The following SPON1 variants were observed in gnomAD, a reference collection of about 807,000 sequenced individuals.
SPON1 encodes the protein spondin 1, also known as spondin-1.
A neutral mutation model predicts 111.7 loss-of-function variants in SPON1; 52 were observed. The ratio of observed to expected loss-of-function variants is 0.47; its 90% CI spans 0.37 to 0.59. The LOEUF is 0.59. Among genes scored for constraint, SPON1 ranks in the 20% least tolerant of loss-of-function variants. The pLI, the probability that SPON1 is intolerant of heterozygous loss-of-function variation, is 0.00. For synonymous variants in SPON1, 410 were observed against 395.8 expected, an observed-to-expected ratio of 1.04 and a Z score of -0.43; for missense variants, 957 against 1,068.5, an observed-to-expected ratio of 0.90 and a Z score of 1.46.
At chr11:14,173,503 A>G (rs1475251821) in intron 6 of SPON1, among the ~76,000 whole-genome samples, 1 of 151,990 alleles carries the variant, frequency 6.6e-6, no homozygotes, top group African/African-American at 2.4e-5. Context: ...CGTCAACATC[A>G]TTCTCTGTCC....
chr11:14,160,965 A>T lies in SPON1; in HGVS notation c.825+25397A>T, dbSNP rs868934091. 3.4e-3 allele frequency among the ~76,000 whole-genome samples: 185 copies of T among 54,706 alleles called. 12 individuals carry two copies. Among genetic ancestry groups the T allele is most frequent in the African/African-American group, 3.7e-3 (52 of 14,034 alleles). The allele number at this position is 54,706 out of a possible 152,430, so 35.9% of individuals were successfully genotyped here. On this transcript the variant is annotated intron_variant, in intron 6 of 15. Transcript: ENST00000576479. The stretch of plus-strand genomic sequence containing the variant: ...TATATTTATATATTTATATATATTT[A>T]TATATATTTTTATATATTTATATAT...
intron 2 of SPON1, among the ~76,000 whole-genome samples, chr11:13,986,740 T>C (rs782261358): frequency 2.0e-5 from 3 of 151,826 alleles, no homozygotes; most frequent in Non-Finnish European, 2.9e-5. Flanking sequence ...CAGACCCTGG[T>C]ATGTGATGTT....
At chr11:14,142,233 C>A (rs1554928857) in intron 6 of SPON1, among the ~76,000 whole-genome samples, 2 of 152,214 alleles carry the variant, frequency 1.3e-5, no homozygotes, top group East Asian at 1.9e-4. Context: ...TGTTTTCATT[C>A]TTCAGCCTCT....
chr11:14,260,366 G>GGC (rs1348148080), intron 13 of SPON1, among the ~76,000 whole-genome samples: 2 of 147,974 alleles, frequency 1.4e-5, no homozygotes, highest in Non-Finnish European at 3.0e-5. Context: ...CATAACCATC[G>GGC]GGGGGGGTCA....
intron 1 of SPON1, among the ~76,000 whole-genome samples, chr11:13,969,881 G>A (rs757903811): frequency 1.3e-5 from 2 of 152,192 alleles, no homozygotes; most frequent in Non-Finnish European, 2.9e-5. Flanking sequence ...CCTCAGTTGA[G>A]TAGCAGATAA....
intron 6 of SPON1, among the ~76,000 whole-genome samples, chr11:14,218,875 A>G (rs1328444687): frequency 6.6e-6 from 1 of 152,218 alleles, no homozygotes; most frequent in African/African-American, 2.4e-5. Context: ...GTCTGTTGAC[A>G]ATTTGGATAC....
chr11:14,192,159 TC>T (rs1216290538), intron 6 of SPON1, among the ~76,000 whole-genome samples: 11 of 151,976 alleles, frequency 7.2e-5, no homozygotes, highest in African/African-American at 2.4e-4. Context: ...TGTGTTCAAT[TC>T]TGAAGGAAAA....
intron 2 of SPON1, among the ~76,000 whole-genome samples, chr11:14,038,377 G>T (rs555050796): frequency 6.6e-6 from 1 of 151,910 alleles, no homozygotes; most frequent in Non-Finnish European, 1.5e-5. Flanking sequence ...GCTGAGGCAG[G>T]AAAATTGCCT....
chr11:14,128,146 T>C (rs185864715), intron 5 of SPON1, among the ~76,000 whole-genome samples: 43 of 152,232 alleles, frequency 2.8e-4, no homozygotes, highest in African/African-American at 9.6e-4. Context: ...CAAAACACAA[T>C]CATGCCTTCC....
intron 1 of SPON1, among the ~76,000 whole-genome samples, chr11:13,972,636 A>T (rs115197370): frequency 2.8e-4 from 43 of 152,316 alleles, no homozygotes; most frequent in African/African-American, 1.0e-3. Flanking sequence ...ATAGTTTTGA[A>T]GTCAAGAGAT....
At chr11:14,186,217 A>G (rs1554934051) in intron 6 of SPON1, among the ~76,000 whole-genome samples, 1 of 152,262 alleles carries the variant, frequency 6.6e-6, no homozygotes, top group African/African-American at 2.4e-5. Context: ...ACAACAGTAA[A>G]TGCATCCAAC....
At chr11:13,997,713 C>T (rs561255960) in intron 2 of SPON1, among the ~76,000 whole-genome samples, 1 of 152,310 alleles carries the variant, frequency 6.6e-6, no homozygotes, top group Admixed American at 6.5e-5. Context: ...TTCATTCTAT[C>T]TTTATTGTAA....
chr11:14,204,163 A>C (rs1246724659), intron 6 of SPON1, among the ~76,000 whole-genome samples: 1 of 152,226 alleles, frequency 6.6e-6, no homozygotes, highest in East Asian at 1.9e-4. Flanking sequence ...TAGCTTTCAA[A>C]TTGCTCCATG....
At chr11:14,248,025 A>G (rs997606209) in intron 7 of SPON1, among the ~76,000 whole-genome samples, 1 of 152,248 alleles carries the variant, frequency 6.6e-6, no homozygotes, top group Non-Finnish European at 1.5e-5. Context: ...TGCAAAGGAC[A>G]CAGCAAAGGA....
At chr11:14,174,543 G>A (rs1252827218) in intron 6 of SPON1, among the ~76,000 whole-genome samples, 4 of 151,898 alleles carry the variant, frequency 2.6e-5, no homozygotes, top group African/African-American at 9.7e-5. Flanking sequence ...AAAACAGAGG[G>A]GTTTTTTTTT....
chr11:14,138,896 A>G (rs1847621060), intron 6 of SPON1, among the ~76,000 whole-genome samples: 2 of 151,938 alleles, frequency 1.3e-5, no homozygotes, highest in South Asian at 4.2e-4. Flanking sequence ...ATCCAGTTCA[A>G]TCTGCCCTCA....
At chr11:14,040,499 T>C (rs1554917175) in intron 2 of SPON1, among the ~76,000 whole-genome samples, 1 of 152,070 alleles carries the variant, frequency 6.6e-6, no homozygotes, top group Non-Finnish European at 1.5e-5. Context: ...AGTATAAAGA[T>C]AAAAAGTAAT....
At chr11:14,041,715 G>GAAA in intron 3 of SPON1, 61 bp downstream of exon 3, 2 of 1,231,964 alleles carry the variant, frequency 1.6e-6, no homozygotes, top group Non-Finnish European at 2.2e-6. Flanking sequence ...TGATTGCAGG[G>GAAA]AAAAAAAAAA....
intron 1 of SPON1, among the ~76,000 whole-genome samples, chr11:13,979,914 G>T (rs1194191243): frequency 3.3e-5 from 5 of 152,056 alleles, no homozygotes; most frequent in African/African-American, 1.2e-4. Context: ...CTGCTTTTTG[G>T]CTGTCTGTCT....
Sources: allele counts gnomAD v4.1 joint callset (sites outside exome capture counted in the v4.1 genomes callset), GRCh38; gene constraint gnomAD v4.1.1; transcripts MANE v1.5; gene names NCBI Gene and HGNC (gene_info 2026-07-23, HGNC 2026-07-21).